RYR3: variants seen among roughly 807,000 people sequenced by gnomAD.
The protein encoded by RYR3 is brain ryanodine receptor-calcium release channel.
Under a neutral mutation model 584.3 loss-of-function variants are expected in RYR3, and 207 were observed. That is an observed-to-expected ratio of 0.35 (90% CI 0.32 to 0.40). RYR3 has a LOEUF of 0.40. Among genes scored for constraint, RYR3 ranks in the 10% least tolerant of loss-of-function variants. RYR3 has a pLI of 1.00. For missense variants in RYR3, 5,616 were observed against 6,089.2 expected (o/e 0.92, Z 2.59); for synonymous variants, 2,416 against 2,248.5 (o/e 1.07, Z -2.11).
At position 33,861,817 on chromosome 15, in the gene RYR3, TTTTG is replaced by T. The variant is rs1196603310; in HGVS notation, c.14465+643_14465+646del. On this transcript the variant is annotated intron_variant, in intron 102 of 103. Coordinates refer to ENST00000634891, the MANE Select transcript of RYR3 (RefSeq NM_001036.6). ...GCATGTCTGTTTTCATACTGCCTTT[TTTTG>T]TTTTTGTTGGCCAGGCTGGTCTTGA... is the stretch of plus-strand genomic sequence containing the variant. 1.8e-4 allele frequency among the ~76,000 whole-genome samples: 28 copies of T among 152,086 alleles called. 1 individual carries two copies. In the Middle Eastern group the frequency reaches 0.02, roughly 111 times the overall value.
intron 42 of RYR3, among the ~76,000 whole-genome samples, chr15:33,705,981 C>A (rs1022181406): frequency 3.3e-5 from 5 of 152,136 alleles, no homozygotes; most frequent in Non-Finnish European, 7.4e-5. Flanking sequence ...ACTGGAAAAA[C>A]CAGGAACTGA....
At chr15:33,514,474 GC>G (rs2053324288) in intron 3 of RYR3, among the ~76,000 whole-genome samples, 1 of 152,026 alleles carries the variant, frequency 6.6e-6, no homozygotes, top group African/African-American at 2.4e-5. Context: ...GCTTTTAAAC[GC>G]CCTTCTCTCT....
Position 33,842,045 on chromosome 15 carries a change from C to A in RYR3, c.13209+10C>A. 2 of 1,591,802 alleles carry A rather than the reference C, an allele frequency of 1.3e-6. No homozygotes were observed. Among genetic ancestry groups the A allele is most frequent in the Non-Finnish European group, 1.7e-6 (2 of 1,168,790 alleles). ...TCAGACCAAGTTACTGGTAAGCATT[C>A]CAACCTTGGCCCTGTTCATGGTGCA... On this transcript the variant is annotated intron_variant, in intron 91 of 103. Transcript: ENST00000634891.
Position 33,848,313 on chromosome 15 carries a change from G to A in RYR3, c.13520G>A (p.Arg4507Lys). 6.2e-7 allele frequency: 1 copy of A among 1,613,764 alleles called. No individual in the cohort carries two copies. Among genetic ancestry groups the A allele is most frequent in the South Asian group, 1.1e-5 (1 of 91,072 alleles). The change falls in exon 94 of 104, where the codon AGG (arginine) becomes AAG (lysine). Residue 4507 changes from arginine (R) to lysine (K), a missense_variant. Physicochemically the swap from Arg to Lys is conservative, Grantham distance 26. Transcript: ENST00000634891. ...CLKVPLVVFKREKEIARKLEF... is the reference protein window; with the variant it reads ...CLKVPLVVFKKEKEIARKLEF... ...TAGGTGCCTTTGGTGGTTTTCAAAA[G>A]GGAAAAAGAAATCGCCAGGAAGCTG...
At chr15:33,651,153 C>T (rs560813310) in intron 31 of RYR3, among the ~76,000 whole-genome samples, 1 of 152,340 alleles carries the variant, frequency 6.6e-6, no homozygotes, top group East Asian at 1.9e-4. Flanking sequence ...ATATGGTACA[C>T]ATTCAATAAT....
intron 67 of RYR3, among the ~76,000 whole-genome samples, chr15:33,789,777 C>G (rs1451468961): frequency 1.5e-5 from 2 of 131,138 alleles, no homozygotes; most frequent in Non-Finnish European, 3.2e-5. Flanking sequence ...TGGGCTCATG[C>G]GATTCTCCCA....
At chr15:33,832,909 A>G (rs757858559) in intron 86 of RYR3, among the ~76,000 whole-genome samples, 17 of 151,238 alleles carry the variant, frequency 1.1e-4, no homozygotes, top group Non-Finnish European at 1.9e-4. Context: ...TCAAGAGGCT[A>G]AGGCAGGAGA....
chr15:33,519,781 T>A (rs1307181366), intron 3 of RYR3, among the ~76,000 whole-genome samples: 1 of 152,070 alleles, frequency 6.6e-6, no homozygotes, highest in African/African-American at 2.4e-5. Context: ...CGTGGACAGG[T>A]GCTAAGTATT....
rs1567304791 is a variant in RYR3 at position 33,844,898 on chromosome 15, G to A, written c.13333G>A (p.Val4445Ile). 6 of 1,614,034 alleles carry A rather than the reference G, an allele frequency of 3.7e-6. No homozygotes were observed. The South Asian group carries it at 4.4e-5, about 12-fold the overall frequency. Residue 4445 changes from valine (V) to isoleucine (I), a missense_variant, in exon 93 of 104, where the codon GTT (valine) becomes ATT (isoleucine). Around this residue, in one of 9 missense-constraint regions of RYR3, gnomAD observed 918 missense variants for 887.4 expected, o/e 1.03. Coordinates refer to ENST00000634891, the MANE Select transcript of RYR3 (RefSeq NM_001036.6). ...EEPLEEETED[V>I]ANLWNSFNDE... is the part of the protein sequence containing the mutation. ...ACCTTTAGAAGAAGAGACAGAGGAT[G>A]TTGCAAACCTATGGAATTCCTTTAA...
chr15:33,467,473 C>G, intron 1 of RYR3: 6 of 985,010 alleles, frequency 6.1e-6, no homozygotes, highest in Non-Finnish European at 7.2e-6. Flanking sequence ...TTCTGGCCCT[C>G]AGGCTGCGAG....
At chr15:33,854,501 C>T in intron 97 of RYR3, 52 bp downstream of exon 97, 2 of 1,420,672 alleles carry the variant, frequency 1.4e-6, no homozygotes, top group Non-Finnish European at 9.6e-7. Flanking sequence ...TCAGGGATGC[C>T]ACAGAGAAGC....
At chr15:33,418,753 G>T (rs191909277) in intron 1 of RYR3, among the ~76,000 whole-genome samples, 1 of 152,064 alleles carries the variant, frequency 6.6e-6, no homozygotes, top group Non-Finnish European at 1.5e-5. Context: ...TTACACACTG[G>T]GGGTAGAGAT....
intron 88 of RYR3, among the ~76,000 whole-genome samples, 157 bp downstream of exon 88, chr15:33,837,144 C>T (rs2078100792): frequency 6.6e-6 from 1 of 152,188 alleles, no homozygotes; most frequent in Non-Finnish European, 1.5e-5. Context: ...AAATGAGGGG[C>T]ACCTGGTCTG....
chr15:33,464,489 T>TATATATATATATATATACACAC (rs1450450145), intron 1 of RYR3, among the ~76,000 whole-genome samples: 60 of 67,432 alleles, frequency 8.9e-4, no homozygotes, highest in African/African-American at 3.8e-3. Flanking sequence ...TATATATATA[T>TATATATATATATATATACACAC]ACACATATAT....
chr15:33,410,714 T>G (rs1263591152), intron 1 of RYR3, among the ~76,000 whole-genome samples: 5 of 152,230 alleles, frequency 3.3e-5, no homozygotes, highest in Non-Finnish European at 7.3e-5. Flanking sequence ...CCGCACAGCA[T>G]GGCAGTGGGT....
intron 74 of RYR3, among the ~76,000 whole-genome samples, chr15:33,816,428 T>C (rs958756316): frequency 2.0e-5 from 3 of 152,254 alleles, no homozygotes; most frequent in Non-Finnish European, 4.4e-5. Context: ...GGTATTTTGG[T>C]ATCTCTAAGA....
At position 33,838,686 on chromosome 15, in the gene RYR3, C is replaced by T. The variant is rs1366248196; in HGVS notation, c.12706C>T (p.Pro4236Ser). The change falls in exon 89 of 104, where the codon CCT becomes TCT. Residue 4236 changes from proline (P) to serine (S), a missense_variant. Transcript: ENST00000634891. ...IRVTKILGDMPDPTQFGIHDD... is the reference protein window; with the variant it reads ...IRVTKILGDMSDPTQFGIHDD... ...AGTGACCAAGATCCTGGGTGACATG[C>T]CTGACCCAACCCAATTTGGTATCCA... The T allele has an allele frequency of 6.2e-7, 1 of 1,613,812 alleles. No individual in the cohort carries two copies. Among genetic ancestry groups the T allele is most frequent in the Non-Finnish European group, 8.5e-7 (1 of 1,179,884 alleles).
chr15:33,811,130 ATGTGTTCC>A, intron 72 of RYR3, 93 bp downstream of exon 72: 1 of 1,045,430 alleles, frequency 9.6e-7, no homozygotes. Flanking sequence ...TGCTTCTTAT[ATGTGTTCC>A]AAAAACAGTT....
Position 33,445,144 on chromosome 15 carries a change from G to C in RYR3, c.52-28275G>C, listed in dbSNP as rs529913505. Among the ~76,000 whole-genome samples, 17 of 152,346 alleles carry C rather than the reference G, an allele frequency of 1.1e-4. 1 individual carries two copies. In the South Asian group the frequency reaches 2.1e-3, roughly 19 times the overall value. On this transcript the variant is annotated intron_variant, in intron 1 of 103. Coordinates refer to ENST00000634891, the MANE Select transcript of RYR3 (RefSeq NM_001036.6). ...CAGCAGGCTGGAGGGACCAAGAATA[G>C]AAGCAGGAAGGTGAGTTGATAAGCC...
Sources: allele counts gnomAD v4.1 joint callset (sites outside exome capture counted in the v4.1 genomes callset), GRCh38; gene constraint gnomAD v4.1.1; regional missense constraint gnomAD v4.1.1; transcripts MANE v1.5; gene names NCBI Gene and HGNC (gene_info 2026-07-23, HGNC 2026-07-21).